Variants in RIMS2 observed in about 807,000 individuals in gnomAD.
RIMS2 encodes regulating synaptic membrane exocytosis 2.
Under a neutral mutation model 174.4 loss-of-function variants are expected in RIMS2, and 59 were observed. The ratio of observed to expected loss-of-function variants is 0.34; its 90% confidence interval spans 0.27 to 0.42. RIMS2 has a LOEUF of 0.42. RIMS2 is among the 10% of genes least tolerant of loss of function. The pLI is 1.00. For missense variants in RIMS2, 1,620 were observed against 1,666.3 expected, an observed-to-expected ratio of 0.97 and a Z score of 0.48; for synonymous variants, 606 against 572.5, an observed-to-expected ratio of 1.06 and a Z score of -0.84.
chr8:103,930,012 T>A (rs189429099), intron 11 of RIMS2, among the ~76,000 whole-genome samples: 1 of 152,116 alleles, frequency 6.6e-6, no homozygotes, highest in East Asian at 1.9e-4. Context: ...TATAACTTTA[T>A]AATAAATAAG....
At chr8:104,107,971 C>T (rs374464341) in intron 19 of RIMS2, among the ~76,000 whole-genome samples, 4 of 150,012 alleles carry the variant, frequency 2.7e-5, no homozygotes, top group Admixed American at 1.3e-4. Flanking sequence ...TCCCCTGCCC[C>T]CCCCCCACAA....
At chr8:103,914,147 G>A (rs1051299228) in intron 6 of RIMS2, among the ~76,000 whole-genome samples, 1 of 152,146 alleles carries the variant, frequency 6.6e-6, no homozygotes, top group East Asian at 1.9e-4. Flanking sequence ...TGTGCCTATA[G>A]TCCCAGCTAC....
intron 3 of RIMS2, chr8:103,880,827 A>G: frequency 5.4e-6 from 2 of 371,446 alleles, no homozygotes; most frequent in Non-Finnish European, 9.6e-6. Flanking sequence ...TTCATGTTTT[A>G]CAGGATTATA....
At chr8:104,035,679 T>G (rs1326029215) in intron 19 of RIMS2, among the ~76,000 whole-genome samples, 1 of 152,074 alleles carries the variant, frequency 6.6e-6, no homozygotes, top group Non-Finnish European at 1.5e-5. Flanking sequence ...TGTTTAAGAT[T>G]TTTTGAAAGT....
chr8:103,501,773 C>G (rs891219309), intron 1 of RIMS2: 3 of 152,400 alleles, frequency 2.0e-5, no homozygotes, highest in Admixed American at 6.5e-5. Context: ...CCTACCATCA[C>G]TGCAGTTTGG....
At chr8:103,854,593 A>G (rs2099017118) in intron 3 of RIMS2, among the ~76,000 whole-genome samples, 1 of 151,922 alleles carries the variant, frequency 6.6e-6, no homozygotes, top group Non-Finnish European at 1.5e-5. Context: ...GGATTTCATC[A>G]AAAGCTTTCT....
intron 19 of RIMS2, among the ~76,000 whole-genome samples, chr8:104,179,201 T>A (rs901836171): frequency 6.6e-6 from 1 of 152,066 alleles, no homozygotes; most frequent in African/African-American, 2.4e-5. Context: ...TTCAAATAGA[T>A]GTCTCCTATG....
At chr8:103,549,265 A>T (rs1363269867) in intron 1 of RIMS2, among the ~76,000 whole-genome samples, 2 of 152,188 alleles carry the variant, frequency 1.3e-5, no homozygotes, top group Non-Finnish European at 2.9e-5. Context: ...GACTAACAGC[A>T]GATCTCTTGG....
chr8:103,623,948 G>T (rs1172344180), intron 1 of RIMS2, among the ~76,000 whole-genome samples: 1 of 151,988 alleles, frequency 6.6e-6, no homozygotes, highest in Non-Finnish European at 1.5e-5. Context: ...TAAGAGAAAA[G>T]AAATTTAAGA....
chr8:104,112,414 T>C (rs1328593396), intron 19 of RIMS2, among the ~76,000 whole-genome samples: 2 of 152,096 alleles, frequency 1.3e-5, no homozygotes, highest in African/African-American at 4.8e-5. Flanking sequence ...ACATATGGCA[T>C]TCCTATACTA....
chr8:103,607,646 C>T (rs1329171378), intron 1 of RIMS2, among the ~76,000 whole-genome samples: 11 of 141,324 alleles, frequency 7.8e-5, no homozygotes, highest in East Asian at 1.9e-4. Context: ...ACCAATCAGA[C>T]GTAGATTTGG....
chr8:103,567,341 A>G (rs1033009880), intron 1 of RIMS2, among the ~76,000 whole-genome samples: 6 of 152,094 alleles, frequency 3.9e-5, no homozygotes, highest in African/African-American at 1.2e-4. Flanking sequence ...CCAGCCACCA[A>G]TCTGGCAACC....
At chr8:104,171,681 C>T (rs559232336) in intron 19 of RIMS2, among the ~76,000 whole-genome samples, 16 of 152,146 alleles carry the variant, frequency 1.1e-4, no homozygotes, top group South Asian at 4.2e-4. Flanking sequence ...TACAGGGGAG[C>T]GAGTATGATC....
At chr8:103,765,428 A>G (rs1274902971) in intron 2 of RIMS2, among the ~76,000 whole-genome samples, 1 of 152,156 alleles carries the variant, frequency 6.6e-6, no homozygotes, top group Non-Finnish European at 1.5e-5. Context: ...TCTTGCAGGA[A>G]AAATTTTAAA....
At chr8:103,576,300 C>G (rs1400317914) in intron 1 of RIMS2, among the ~76,000 whole-genome samples, 1 of 152,132 alleles carries the variant, frequency 6.6e-6, no homozygotes, top group Admixed American at 6.5e-5. Context: ...AACAAACAAC[C>G]ATAAGAAAGA....
chr8:104,250,038 T>G (rs892501239), intron 22 of RIMS2, among the ~76,000 whole-genome samples: 2 of 152,214 alleles, frequency 1.3e-5, no homozygotes, highest in African/African-American at 4.8e-5. Context: ...GATATTCTAA[T>G]TATAAGACTT....
intron 15 of RIMS2, among the ~76,000 whole-genome samples, chr8:103,973,608 G>T (rs1401151900): frequency 6.6e-6 from 1 of 152,144 alleles, no homozygotes; most frequent in East Asian, 1.9e-4. Flanking sequence ...AACTCAAGGG[G>T]ACTATCCACA....
intron 19 of RIMS2, among the ~76,000 whole-genome samples, chr8:104,098,172 A>T (rs2097795035): frequency 1.3e-5 from 2 of 152,194 alleles, no homozygotes; most frequent in African/African-American, 4.8e-5. Context: ...TAAATGTTTG[A>T]ATATAATATT....
chr8:103,548,728 C>A (rs1194916069), intron 1 of RIMS2, among the ~76,000 whole-genome samples: 1 of 151,742 alleles, frequency 6.6e-6, no homozygotes, highest in East Asian at 1.9e-4. Context: ...GAAGACAAAC[C>A]ATTTCTCTTT....
Sources: allele counts gnomAD v4.1 joint callset (sites outside exome capture counted in the v4.1 genomes callset), GRCh38; gene constraint gnomAD v4.1.1; transcripts MANE v1.5; gene names NCBI Gene and HGNC (gene_info 2026-07-23, HGNC 2026-07-21).